Variants in KCNIP4 observed in about 807,000 individuals in gnomAD.
KCNIP4 encodes the protein Kv channel-interacting protein 4.
In KCNIP4, 12 loss-of-function variants were observed where a neutral mutation model predicts 34.0. The ratio of observed to expected loss-of-function variants is 0.35; its 90% confidence interval spans 0.23 to 0.57. The LOEUF (loss-of-function observed/expected upper bound fraction) is 0.57. Ranked by LOEUF, KCNIP4 falls within the 20% of genes least tolerant of loss-of-function variation. The pLI, the probability that KCNIP4 is intolerant of heterozygous loss-of-function variation, is 0.83. For synonymous variants in KCNIP4, 124 were observed against 102.2 expected (o/e 1.21, Z -1.29); for missense variants, 238 against 311.7 (o/e 0.76, Z 1.78).
At chr4:21,503,642 G>C (rs1050133792) in intron 1 of KCNIP4, among the ~76,000 whole-genome samples, 4 of 152,068 alleles carry the variant, frequency 2.6e-5, no homozygotes, top group Admixed American at 2.6e-4. Flanking sequence ...CTATATGGAA[G>C]AACAGAAAGC....
At chr4:21,011,459 A>G (rs1739059480) in intron 1 of KCNIP4, among the ~76,000 whole-genome samples, 1 of 152,162 alleles carries the variant, frequency 6.6e-6, no homozygotes, top group Admixed American at 6.5e-5. Flanking sequence ...GTATGGTATT[A>G]TTTCCAGCCA....
At chr4:21,283,936 G>A (rs748384757) in intron 1 of KCNIP4, among the ~76,000 whole-genome samples, 16 of 151,964 alleles carry the variant, frequency 1.1e-4, no homozygotes, top group South Asian at 2.1e-4. Flanking sequence ...TTTACTGGCC[G>A]GGCACGGTGG....
chr4:21,433,803 T>C (rs551945167), intron 1 of KCNIP4, among the ~76,000 whole-genome samples: 1 of 152,346 alleles, frequency 6.6e-6, no homozygotes, highest in East Asian at 1.9e-4. Context: ...TTGTCACACT[T>C]TCCCGATATT....
chr4:21,857,164 G>T (rs1349593402), intron 1 of KCNIP4, among the ~76,000 whole-genome samples: 4 of 152,328 alleles, frequency 2.6e-5, no homozygotes, highest in Non-Finnish European at 4.4e-5. Flanking sequence ...GCCTACCCAT[G>T]GCCTTACATG....
intron 3 of KCNIP4, among the ~76,000 whole-genome samples, chr4:20,819,230 G>A (rs901216358): frequency 2.3e-4 from 35 of 151,910 alleles, no homozygotes; most frequent in South Asian, 2.1e-4. Flanking sequence ...CTCGTTTTAC[G>A]GATGAGATAA....
rs980304282 is a variant in KCNIP4 at position 20,754,406 on chromosome 4, G to C, written c.358+4415C>G. On this transcript the variant is annotated intron_variant, in intron 4 of 8. Coordinates refer to ENST00000382152, the MANE Select transcript of KCNIP4 (RefSeq NM_025221.6). ...ACTGTTCATAATGAGAAAAACTGTT[G>C]CATTCAGACCATCATCCTGAATAAA... 4.6e-5 allele frequency among the ~76,000 whole-genome samples: 7 copies of C among 152,004 alleles called. 1 individual carries two copies. The Middle Eastern group carries it at 0.021, about 446-fold the overall frequency.
chr4:20,739,781 A>G (rs1353488931), intron 5 of KCNIP4, among the ~76,000 whole-genome samples: 1 of 152,038 alleles, frequency 6.6e-6, no homozygotes, highest in Admixed American at 6.5e-5. Flanking sequence ...AAGATCAGTA[A>G]TAACAAACTT....
At chr4:21,195,060 A>C (rs933305903) in intron 1 of KCNIP4, among the ~76,000 whole-genome samples, 4 of 152,144 alleles carry the variant, frequency 2.6e-5, no homozygotes, top group African/African-American at 7.2e-5. Context: ...TCCTTAATGA[A>C]GTCATTTCTC....
intron 1 of KCNIP4, among the ~76,000 whole-genome samples, chr4:21,043,166 G>A (rs534988769): frequency 6.6e-6 from 1 of 152,182 alleles, no homozygotes; most frequent in Non-Finnish European, 1.5e-5. Context: ...AAGAAAGAAA[G>A]TTCTCTTGAC....
intron 1 of KCNIP4, among the ~76,000 whole-genome samples, chr4:21,622,880 T>C (rs973686233): frequency 1.3e-5 from 2 of 152,184 alleles, no homozygotes; most frequent in African/African-American, 2.4e-5. Context: ...GTGACTTGTT[T>C]TTTATATTTC....
intron 1 of KCNIP4, among the ~76,000 whole-genome samples, chr4:21,820,614 T>C (rs991789054): frequency 6.6e-6 from 1 of 152,158 alleles, no homozygotes; most frequent in Non-Finnish European, 1.5e-5. Context: ...TAAGTCAAGT[T>C]GTGACCTTAA....
chr4:21,601,010 C>G (rs1018832702), intron 1 of KCNIP4, among the ~76,000 whole-genome samples: 1 of 151,782 alleles, frequency 6.6e-6, no homozygotes, highest in Non-Finnish European at 1.5e-5. Flanking sequence ...ATTCCAGTCA[C>G]TAACGTTAAA....
chr4:21,790,940 G>A (rs1315989514), intron 1 of KCNIP4, among the ~76,000 whole-genome samples: 1 of 130,160 alleles, frequency 7.7e-6, no homozygotes, highest in Non-Finnish European at 1.6e-5. Flanking sequence ...ACTGAAATGT[G>A]TGGCTCCTTT....
intron 1 of KCNIP4, among the ~76,000 whole-genome samples, chr4:21,068,464 C>T (rs1744607930): frequency 6.6e-6 from 1 of 152,160 alleles, no homozygotes; most frequent in Admixed American, 6.5e-5. Flanking sequence ...TCAGTCTCCC[C>T]TTATTCCATT....
chr4:20,736,021 T>C (rs756560965), intron 5 of KCNIP4, among the ~76,000 whole-genome samples: 1 of 152,218 alleles, frequency 6.6e-6, no homozygotes, highest in Non-Finnish European at 1.5e-5. Flanking sequence ...TTTCTCAAAA[T>C]GTTTTTTCTT....
Position 20,969,606 on chromosome 4 carries a change from G to C in KCNIP4, c.62-86897C>G, listed in dbSNP as rs1325148706. Among the ~76,000 whole-genome samples the C allele has an allele frequency of 2.0e-5, 3 of 151,874 alleles. No homozygotes were observed. In the South Asian group the frequency reaches 6.2e-4, roughly 32 times the overall value. On this transcript the variant is annotated intron_variant, in intron 1 of 8. Coordinates refer to ENST00000382152, the MANE Select transcript of KCNIP4 (RefSeq NM_025221.6). ...AAGACCTGAAACAGTTCATTCTCTTGTCCCATTAATTCCACTCTATGACTC... is the reference window on the plus strand; with the variant it reads ...AAGACCTGAAACAGTTCATTCTCTTCTCCCATTAATTCCACTCTATGACTC...
chr4:20,772,287 G>A (rs1755965420), intron 3 of KCNIP4, among the ~76,000 whole-genome samples: 1 of 152,094 alleles, frequency 6.6e-6, no homozygotes, highest in Non-Finnish European at 1.5e-5. Flanking sequence ...AAAACACAAA[G>A]TATTCGTTAT....
chr4:21,686,207 A>G (rs1460841337), intron 1 of KCNIP4, among the ~76,000 whole-genome samples: 1 of 152,194 alleles, frequency 6.6e-6, no homozygotes, highest in East Asian at 1.9e-4. Context: ...TTCCCATTGT[A>G]GAGGTAATAA....
rs2874931 is a variant in KCNIP4 at position 21,481,461 on chromosome 4, G to A, written c.61+467110C>T. 6.6e-3 allele frequency among the ~76,000 whole-genome samples: 1,011 copies of A among 152,262 alleles called. 49 individuals are homozygous for A. The East Asian group carries it at 0.12, about 18-fold the overall frequency. On this transcript the variant is annotated intron_variant, in intron 1 of 8. Transcript: ENST00000382152. ...ATACATGAAGGTGGGGACGCTCTGG[G>A]TCAGAGAATTCTGAAGGGTCATAGT...
Sources: gnomAD v4.1 joint callset for allele counts (sites outside exome capture counted in the v4.1 genomes callset) on GRCh38, gnomAD v4.1.1 for gene constraint, MANE v1.5 for transcripts, NCBI Gene and HGNC (gene_info 2026-07-23, HGNC 2026-07-21) for gene names.